MBNL2: variants seen among roughly 807,000 people sequenced by gnomAD.
MBNL2 encodes muscleblind-like protein 2.
A neutral mutation model predicts 41.9 loss-of-function variants in MBNL2; 17 were observed. The observed-to-expected ratio is 0.41, with a 90% confidence interval of 0.28 to 0.61. The LOEUF is 0.61. Among genes scored for constraint, MBNL2 ranks in the 20% least tolerant of loss-of-function variants. The pLI is 0.35. For synonymous variants in MBNL2, 195 were observed against 182.9 expected (o/e 1.07, Z -0.53); for missense variants, 336 against 505.6 (o/e 0.66, Z 3.22).
chr13:97,195,647 C>T, the MBNL2 span, among the ~76,000 whole-genome samples: 4 of 152,054 alleles, frequency 2.6e-5, no homozygotes, highest in Admixed American at 2.6e-4. Context: ...TGATCTAAGC[C>T]ATGGTACTAA....
chr13:97,241,918 A>G (rs943803241), intron 1 of MBNL2, among the ~76,000 whole-genome samples: 2 of 152,160 alleles, frequency 1.3e-5, no homozygotes, highest in African/African-American at 4.8e-5. Context: ...CATACATCCC[A>G]TATCAAAGGA....
intron 1 of MBNL2, among the ~76,000 whole-genome samples, chr13:97,249,147 C>T (rs1244056012): frequency 3.9e-5 from 6 of 152,154 alleles, no homozygotes; most frequent in African/African-American, 4.8e-5. Context: ...CCTACTATAT[C>T]GTCGTAATGG....
At chr13:97,302,423 A>G (rs545846715) in intron 2 of MBNL2, among the ~76,000 whole-genome samples, 2 of 152,268 alleles carry the variant, frequency 1.3e-5, no homozygotes, top group South Asian at 4.1e-4. Context: ...TGGGAGGGGA[A>G]AGCCTTGGAG....
At chr13:97,269,814 C>G (rs2050562423) in intron 1 of MBNL2, among the ~76,000 whole-genome samples, 1 of 151,498 alleles carries the variant, frequency 6.6e-6, no homozygotes. Context: ...CTAGGCACCT[C>G]CCTGCTCTCA....
the MBNL2 span, among the ~76,000 whole-genome samples, chr13:97,163,817 T>G: frequency 6.6e-6 from 1 of 152,020 alleles, no homozygotes; most frequent in South Asian, 2.1e-4. Flanking sequence ...AAAGGGAAAT[T>G]TGGACACAGG....
Position 97,269,352 on chromosome 13 carries a change from C to A in MBNL2, c.-604-6280C>A, listed in dbSNP as rs569958396. 5.9e-5 allele frequency among the ~76,000 whole-genome samples: 9 copies of A among 152,276 alleles called. No individual in the cohort carries two copies. The South Asian group carries it at 1.9e-3, about 32-fold the overall frequency. ...TAAGGGTGCCCTGCATATAATGGGG[C>A]AATGCCGTTATACATGGAATCTTGA... On this transcript the variant is annotated intron_variant, in intron 1 of 8. Transcript: ENST00000679496.
the MBNL2 span, among the ~76,000 whole-genome samples, chr13:97,154,362 T>C: frequency 6.6e-6 from 1 of 152,160 alleles, no homozygotes; most frequent in Admixed American, 6.6e-5. Context: ...TTTCCCAGGC[T>C]GGAGTGTAGT....
intron 1 of MBNL2, among the ~76,000 whole-genome samples, chr13:97,250,294 G>A (rs2046274975): frequency 6.6e-6 from 1 of 152,146 alleles, no homozygotes; most frequent in Non-Finnish European, 1.5e-5. Flanking sequence ...TGCTGACAGT[G>A]CACTTTACTG....
chr13:97,271,578 C>T (rs928726323), intron 1 of MBNL2, among the ~76,000 whole-genome samples: 2 of 152,180 alleles, frequency 1.3e-5, no homozygotes, highest in Non-Finnish European at 2.9e-5. Context: ...GTTCCCTCCC[C>T]TCACCCCGTA....
chr13:97,362,924 A>G (rs939392187), intron 7 of MBNL2: 1 of 152,308 alleles, frequency 6.6e-6, no homozygotes, highest in Non-Finnish European at 1.5e-5. Context: ...TCACAAGGGG[A>G]AGGGGTGTGA....
At chr13:97,191,392 T>G in the MBNL2 span, among the ~76,000 whole-genome samples, 1 of 150,544 alleles carries the variant, frequency 6.6e-6, no homozygotes, top group African/African-American at 2.4e-5. Flanking sequence ...CCTGTTTCCC[T>G]TTTTTCCTTT....
chr13:97,253,919 CAG>C (rs2047056292), intron 1 of MBNL2, among the ~76,000 whole-genome samples: 1 of 151,812 alleles, frequency 6.6e-6, no homozygotes, highest in South Asian at 2.1e-4. Flanking sequence ...GTTTTTGAGA[CAG>C]AGTCTCACTC....
At chr13:97,189,285 T>C in the MBNL2 span, among the ~76,000 whole-genome samples, 1 of 152,194 alleles carries the variant, frequency 6.6e-6, no homozygotes, top group Non-Finnish European at 1.5e-5. Flanking sequence ...TCATTGTTGA[T>C]GGAGACTGTG....
At position 97,291,919 on chromosome 13, in the gene MBNL2, T is replaced by TAAAAAAAAAA. The variant is rs1594165236; in HGVS notation, c.174+15510_174+15511insAAAAAAAAAA. 8.0e-4 allele frequency among the ~76,000 whole-genome samples: 19 copies of TAAAAAAAAAA among 23,636 alleles called. 2 individuals carry two copies. The highest frequency in any genetic ancestry group is 3.0e-3 in the African/African-American group (14 of 4,662). 15.5% of individuals were successfully genotyped at this position (23,636 alleles called of 152,430 possible). On this transcript the variant is annotated intron_variant, in intron 2 of 8. Coordinates refer to ENST00000679496, the MANE Select transcript of MBNL2 (RefSeq NM_001382683.1). Reference sequence around the variant, plus strand: ...CCGTCTCAAAAAAAAAAAAAAAAAGTGGGCTGGGTGCGGTGGCTCACGCCT... The same window carrying TAAAAAAAAAA: ...CCGTCTCAAAAAAAAAAAAAAAAAGTAAAAAAAAAAGGGCTGGGTGCGGTGGCTCACGCCT...
intron 2 of MBNL2, 66 bp downstream of exon 2, chr13:97,276,475 T>C: frequency 6.3e-6 from 9 of 1,433,540 alleles, no homozygotes; most frequent in Non-Finnish European, 8.7e-6. Flanking sequence ...AGGCTTTTCA[T>C]TGCATTTTTA....
intron 6 of MBNL2, 51 bp downstream of exon 6, chr13:97,356,900 T>C (rs189741755): frequency 1.7e-6 from 2 of 1,198,720 alleles, no homozygotes; most frequent in African/African-American, 3.1e-5. Context: ...CAGAGAACCA[T>C]CTGAGATTTG....
At chr13:97,220,034 T>A (rs74704005), upstream of MBNL2, among the ~76,000 whole-genome samples, 282 of 152,352 alleles carry the variant, frequency 1.9e-3, 1 homozygote, top group African/African-American at 5.6e-3. Flanking sequence ...GGTTTAAGAA[T>A]GACTGCCAGG....
chr13:97,362,327 C>A (rs1433211419), intron 7 of MBNL2, among the ~76,000 whole-genome samples: 1 of 151,960 alleles, frequency 6.6e-6, no homozygotes, highest in African/African-American at 2.4e-5. Flanking sequence ...TCAACCTGTA[C>A]TATGAATGAA....
rs1226602847 is a variant in MBNL2, at chr13:97,359,261, AT to A, written c.1012+1627del. Among the ~76,000 whole-genome samples, 5 of 151,468 alleles carry A rather than the reference AT, an allele frequency of 3.3e-5. No individual in the cohort carries two copies. The East Asian group carries it at 9.6e-4, about 29-fold the overall frequency. On this transcript the variant is annotated intron_variant, in intron 7 of 8. Transcript: ENST00000679496. ...TCATTGTAGACCTCTTGGCCACTAGATATTTTAAGATAAAAAAAAAAAAATT... is the reference window on the plus strand; with the variant it reads ...TCATTGTAGACCTCTTGGCCACTAGAATTTTAAGATAAAAAAAAAAAAATT...
Sources: gnomAD v4.1 joint callset for allele counts (sites outside exome capture counted in the v4.1 genomes callset) on GRCh38, gnomAD v4.1.1 for gene constraint, MANE v1.5 for transcripts, NCBI Gene and HGNC (gene_info 2026-07-23, HGNC 2026-07-21) for gene names.